MBNL1: variants seen among roughly 807,000 people sequenced by gnomAD.
MBNL1 encodes the protein muscleblind like splicing regulator 1.
Under a neutral mutation model 42.2 loss-of-function variants are expected in MBNL1, and 8 were observed. The observed-to-expected ratio is 0.19, with a 90% CI of 0.11 to 0.34. The LOEUF is 0.34. MBNL1 is among the 10% of genes least tolerant of loss of function. The pLI is 1.00. For missense variants in MBNL1, 309 were observed against 495.3 expected, an observed-to-expected ratio of 0.62 and a Z score of 3.57; for synonymous variants, 169 against 173.9, an observed-to-expected ratio of 0.97 and a Z score of 0.22.
Position 152,455,472 on chromosome 3 carries a change from C to T in MBNL1, c.962-70C>T, listed in dbSNP as rs958656722. 39 of 1,209,192 alleles carry T rather than the reference C, an allele frequency of 3.2e-5. No homozygotes were observed. The African/African-American group carries it at 3.6e-4, about 11-fold the overall frequency. The allele number at this position is 1,209,192 out of a possible 1,614,324, so 74.9% of individuals were successfully genotyped here. Reference sequence around the variant, plus strand: ...TGTTCAAATGAATTTTCTAATTACACGTGTGATGGGATGTTTTAATTCTTT... The same window carrying T: ...TGTTCAAATGAATTTTCTAATTACATGTGTGATGGGATGTTTTAATTCTTT... On this transcript the variant is annotated intron_variant, in intron 6 of 9. Coordinates refer to ENST00000324210, the MANE Select transcript of MBNL1 (RefSeq NM_021038.5).
intron 2 of MBNL1, among the ~76,000 whole-genome samples, chr3:152,402,604 T>G (rs1056243533): frequency 1.2e-4 from 18 of 152,076 alleles, no homozygotes; most frequent in Non-Finnish European, 2.4e-4. Context: ...GTGACCATAT[T>G]GTTTACTTAG....
intron 2 of MBNL1, among the ~76,000 whole-genome samples, chr3:152,407,616 G>C (rs1275257827): frequency 6.6e-6 from 1 of 151,968 alleles, no homozygotes; most frequent in South Asian, 2.1e-4. Flanking sequence ...AGACAATTAT[G>C]TAATAAAAAA....
chr3:152,267,546 GC>G (rs2037532896), upstream of MBNL1: 1 of 152,176 alleles, frequency 6.6e-6, no homozygotes, highest in South Asian at 2.1e-4. Flanking sequence ...ATACTAATGG[GC>G]AGATAGAAAG....
chr3:152,327,856 T>C (rs889747794), intron 2 of MBNL1, among the ~76,000 whole-genome samples: 1 of 152,030 alleles, frequency 6.6e-6, no homozygotes, highest in African/African-American at 2.4e-5. Context: ...GGTCTTAGTG[T>C]CTAAAATAGT....
rs559399772 is a variant in MBNL1 at position 152,317,491 on chromosome 3, T to C, written c.174+17124T>C. Among the ~76,000 whole-genome samples the C allele has an allele frequency of 4.2e-4, 64 of 152,208 alleles. 1 individual carries two copies. Among genetic ancestry groups the C allele is most frequent in the African/African-American group, 1.5e-3 (61 of 41,516 alleles). ...TGCACCACCATGCCGGGCTAATTTT[T>C]GTATTTTTTGTATAGATGAGGTTTC... On this transcript the variant is annotated intron_variant, in intron 2 of 9. Coordinates refer to ENST00000324210, the MANE Select transcript of MBNL1 (RefSeq NM_021038.5).
intron 9 of MBNL1, among the ~76,000 whole-genome samples, chr3:152,460,611 T>TAAAAAAAA (rs1288958334): frequency 9.7e-6 from 1 of 102,992 alleles, no homozygotes; most frequent in Non-Finnish European, 2.1e-5. Context: ...ACTTAAAGTA[T>TAAAAAAAA]AAAAAAAAAA....
intron 2 of MBNL1, among the ~76,000 whole-genome samples, chr3:152,308,927 G>C (rs2064792160): frequency 1.3e-5 from 2 of 151,964 alleles, no homozygotes; most frequent in Non-Finnish European, 2.9e-5. Flanking sequence ...AACAATTTAA[G>C]TAATATAACT....
intron 2 of MBNL1, chr3:152,244,457 G>A (rs2032401247): frequency 1.3e-5 from 2 of 152,082 alleles, no homozygotes; most frequent in Non-Finnish European, 2.9e-5. Flanking sequence ...ACAATTATTT[G>A]CTATTTTTCA....
In MBNL1 at chr3:152,445,301, G is replaced by A. The variant is rs2099207468; in HGVS notation, c.569G>A (p.Arg190His). The A allele has an allele frequency of 2.5e-6, 4 of 1,613,976 alleles. No individual in the cohort carries two copies. Among genetic ancestry groups the A allele is most frequent in the Non-Finnish European group, 3.4e-6 (4 of 1,179,906 alleles). ...TCATAGGTATGTCGAGAGTACCAAC[G>A]TGGCAATTGCAACCGAGGAGAAAAT... Reference protein sequence around the residue: ...DRLEVCREYQRGNCNRGENDC... With the variant: ...DRLEVCREYQHGNCNRGENDC... Residue 190 changes from arginine to histidine, a missense_variant, in exon 5 of 10, where the codon CGT becomes CAT. Coordinates refer to ENST00000324210, the MANE Select transcript of MBNL1 (RefSeq NM_021038.5).
At chr3:152,401,843 T>C (rs1170305413) in intron 2 of MBNL1, among the ~76,000 whole-genome samples, 1 of 151,576 alleles carries the variant, frequency 6.6e-6, no homozygotes, top group Admixed American at 6.6e-5. Context: ...GGCTAACACA[T>C]CCTGGTGAAA....
intron 6 of MBNL1, among the ~76,000 whole-genome samples, chr3:152,452,349 G>A (rs1251304271): frequency 6.6e-6 from 1 of 152,122 alleles, no homozygotes; most frequent in African/African-American, 2.4e-5. Context: ...ATCTCCCTGG[G>A]TTGAGAGAAA....
intron 2 of MBNL1, chr3:152,340,618 C>T (rs201026350): frequency 5.5e-5 from 88 of 1,613,858 alleles, no homozygotes; most frequent in Middle Eastern, 4.9e-4. Flanking sequence ...TATCAGCAGG[C>T]ACCTGCAACT....
chr3:152,415,190 C>A, intron 3 of MBNL1, 79 bp downstream of exon 3: 1 of 1,308,370 alleles, frequency 7.6e-7, no homozygotes, highest in Non-Finnish European at 1.0e-6. Flanking sequence ...ATTATTGCAC[C>A]GGATCAAATG....
intron 1 of MBNL1, among the ~76,000 whole-genome samples, chr3:152,296,593 G>A (rs1314051630): frequency 6.6e-6 from 1 of 152,160 alleles, no homozygotes; most frequent in African/African-American, 2.4e-5. Context: ...ATAGGGAGCT[G>A]TCCAAGGACA....
rs1377251570 is a variant in MBNL1, at chr3:152,363,211, A to AT, written c.175-51723dup. On this transcript the variant is annotated intron_variant, in intron 2 of 9. Transcript: ENST00000324210. ...ATTTTTATATGCATGTTTAATATAT[A>AT]TTTTTTTCACTTTTCAAATGGTATT... Among the ~76,000 whole-genome samples, 4 of 149,054 alleles carry AT rather than the reference A, an allele frequency of 2.7e-5. 1 individual carries two copies. The South Asian group carries it at 8.3e-4, about 31-fold the overall frequency.
chr3:152,287,995 T>C (rs1297813777), intron 1 of MBNL1, among the ~76,000 whole-genome samples: 3 of 152,212 alleles, frequency 2.0e-5, no homozygotes, highest in Non-Finnish European at 4.4e-5. Context: ...TGCATTCTCT[T>C]TTGAAAGTAC....
At position 152,462,977 on chromosome 3, in the gene MBNL1, AT is replaced by A. The variant is rs1360049002; in HGVS notation, c.*615del. 6.6e-6 allele frequency: 1 copy of A among 152,502 alleles called. No individual in the cohort carries two copies. Among genetic ancestry groups the A allele is most frequent in the Non-Finnish European group, 1.5e-5 (1 of 67,964 alleles). 9.4% of individuals were successfully genotyped at this position (152,502 alleles called of 1,614,324 possible). ...GCCAAGCAAAACCACAACTGTGTAT[AT>A]TTTAAAGCACATCATGGCTTTAAGT... On this transcript the variant is annotated 3_prime_UTR_variant, in exon 10 of 10. Coordinates refer to ENST00000324210, the MANE Select transcript of MBNL1 (RefSeq NM_021038.5).
intron 2 of MBNL1, among the ~76,000 whole-genome samples, chr3:152,245,962 G>A (rs2032884276): frequency 6.6e-6 from 1 of 152,172 alleles, no homozygotes; most frequent in South Asian, 2.1e-4. Context: ...GCTCAAGCCT[G>A]TAGTCCCAGC....
chr3:152,419,015 C>T (rs758979412), intron 3 of MBNL1, among the ~76,000 whole-genome samples: 18 of 151,788 alleles, frequency 1.2e-4, no homozygotes, highest in African/African-American at 3.1e-4. Context: ...CATGCCCAGC[C>T]GACAATCTTA....
Sources: gnomAD v4.1 joint callset for allele counts (sites outside exome capture counted in the v4.1 genomes callset) on GRCh38, gnomAD v4.1.1 for gene constraint, MANE v1.5 for transcripts, NCBI Gene and HGNC (gene_info 2026-07-23, HGNC 2026-07-21) for gene names.